The following CDH12 variants were observed in gnomAD, a reference collection of about 807,000 sequenced individuals.
CDH12 encodes the protein cadherin 12, also known as cadherin-12.
CDH12 carries 41 observed loss-of-function variants against 74.1 expected under a neutral mutation model. The ratio of observed to expected loss-of-function variants is 0.55; its 90% CI spans 0.43 to 0.72. The LOEUF (loss-of-function observed/expected upper bound fraction) is 0.72. Among genes scored for constraint, CDH12 ranks in the 30% least tolerant of loss-of-function variants. The pLI is 0.00. For synonymous variants in CDH12, 399 were observed against 355.0 expected (o/e 1.12, Z -1.39); for missense variants, 945 against 977.2 (o/e 0.97, Z 0.44).
chr5:22,418,222 T>G (rs1449933997), intron 2 of CDH12, among the ~76,000 whole-genome samples: 1 of 151,488 alleles, frequency 6.6e-6, no homozygotes, highest in South Asian at 2.1e-4. Flanking sequence ...TGAATGGGAG[T>G]TCACTCACGA....
intron 6 of CDH12, among the ~76,000 whole-genome samples, chr5:21,949,449 CAAA>C (rs201292632): frequency 0.025 from 2,119 of 83,754 alleles, 22 homozygotes; most frequent in African/African-American, 0.039. Flanking sequence ...GACTCTGTCT[CAAA>C]AAAAAAAAAA....
chr5:22,169,336 C>T (rs959903843), intron 4 of CDH12, among the ~76,000 whole-genome samples: 8 of 152,040 alleles, frequency 5.3e-5, no homozygotes, highest in African/African-American at 1.9e-4. Flanking sequence ...AACCTGCTTA[C>T]TGAGCCAAAG....
At chr5:21,903,645 T>C (rs1753501065) in intron 6 of CDH12, among the ~76,000 whole-genome samples, 1 of 152,122 alleles carries the variant, frequency 6.6e-6, no homozygotes, top group Admixed American at 6.6e-5. Flanking sequence ...ATTTGGTGCC[T>C]AGAACTCCAA....
chr5:22,778,493 A>G (rs542665190), intron 1 of CDH12, among the ~76,000 whole-genome samples: 1 of 152,274 alleles, frequency 6.6e-6, no homozygotes, highest in Non-Finnish European at 1.5e-5. Context: ...AACTCTATGA[A>G]AAGGGGCTCA....
intron 4 of CDH12, among the ~76,000 whole-genome samples, chr5:22,176,927 G>A (rs982901599): frequency 2.6e-5 from 4 of 151,938 alleles, no homozygotes; most frequent in East Asian, 3.9e-4. Flanking sequence ...TTGCCTCTTT[G>A]CTCATGCCTC....
intron 5 of CDH12, among the ~76,000 whole-genome samples, chr5:22,056,065 G>A (rs1740721712): frequency 6.6e-6 from 1 of 151,852 alleles, no homozygotes; most frequent in Non-Finnish European, 1.5e-5. Flanking sequence ...AAATTTTTTA[G>A]TACATTTTTT....
chr5:22,170,579 C>A (rs1748960549), intron 4 of CDH12, among the ~76,000 whole-genome samples: 1 of 149,782 alleles, frequency 6.7e-6, no homozygotes, highest in Non-Finnish European at 1.5e-5. Context: ...TATATATAAG[C>A]TTCTTATATA....
At chr5:22,586,508 T>TATAA (rs1247694984) in intron 1 of CDH12, among the ~76,000 whole-genome samples, 5 of 149,656 alleles carry the variant, frequency 3.3e-5, no homozygotes, top group African/African-American at 7.3e-5. Flanking sequence ...TATATATAAA[T>TATAA]AAAAATAAAA....
chr5:21,851,262 G>A (rs1296600054), intron 7 of CDH12, among the ~76,000 whole-genome samples: 2 of 151,024 alleles, frequency 1.3e-5, no homozygotes, highest in Admixed American at 6.6e-5. Flanking sequence ...AGAATTTTAA[G>A]ACTAAATTAA....
chr5:21,958,095 A>C (rs1194200867), intron 6 of CDH12, among the ~76,000 whole-genome samples: 1 of 151,994 alleles, frequency 6.6e-6, no homozygotes, highest in African/African-American at 2.4e-5. Context: ...TGGTTTTATG[A>C]GGGGCTCTTC....
At chr5:22,003,817 G>A (rs1217192048) in intron 5 of CDH12, among the ~76,000 whole-genome samples, 3 of 46,148 alleles carry the variant, frequency 6.5e-5, no homozygotes, top group Admixed American at 3.6e-4. Context: ...GCAGGCCCCC[G>A]CTTCCACAAA....
At chr5:22,785,639 C>T (rs1747585632) in intron 1 of CDH12, among the ~76,000 whole-genome samples, 1 of 152,072 alleles carries the variant, frequency 6.6e-6, no homozygotes, top group Non-Finnish European at 1.5e-5. Flanking sequence ...TCACCTCAGC[C>T]TCCAAGTAGC....
intron 5 of CDH12, among the ~76,000 whole-genome samples, chr5:22,054,452 T>C (rs1740598750): frequency 6.6e-6 from 1 of 152,094 alleles, no homozygotes. Context: ...AATCTACCTT[T>C]GGGTCAGGCT....
At chr5:22,293,893 A>G (rs533144701) in intron 3 of CDH12, among the ~76,000 whole-genome samples, 44 of 152,294 alleles carry the variant, frequency 2.9e-4, no homozygotes, top group African/African-American at 9.9e-4. Context: ...AGTTACATAG[A>G]AAAAATAAGC....
chr5:21,881,704 G>C (rs1249803578), intron 6 of CDH12, among the ~76,000 whole-genome samples: 1 of 151,858 alleles, frequency 6.6e-6, no homozygotes, highest in Non-Finnish European at 1.5e-5. Flanking sequence ...TTATATATTA[G>C]TTTATCTGAT....
At chr5:22,510,347 A>C (rs184272531) in intron 1 of CDH12, among the ~76,000 whole-genome samples, 1 of 152,262 alleles carries the variant, frequency 6.6e-6, no homozygotes, top group East Asian at 1.9e-4. Context: ...AAATTACCCT[A>C]TCCGATATAA....
intron 3 of CDH12, among the ~76,000 whole-genome samples, chr5:22,370,477 A>G (rs1275462489): frequency 6.6e-6 from 1 of 152,208 alleles, no homozygotes; most frequent in East Asian, 1.9e-4. Context: ...TAAATCATGT[A>G]TATATTCCTT....
At chr5:21,856,259 TTTA>T (rs1159376781) in intron 6 of CDH12, among the ~76,000 whole-genome samples, 1 of 151,682 alleles carries the variant, frequency 6.6e-6, no homozygotes, top group Non-Finnish European at 1.5e-5. Flanking sequence ...AAATCAACAG[TTTA>T]TTAAGAGTAA....
intron 4 of CDH12, among the ~76,000 whole-genome samples, chr5:22,137,170 G>A (rs2150293437): frequency 6.6e-6 from 1 of 152,042 alleles, no homozygotes; most frequent in Non-Finnish European, 1.5e-5. Context: ...TTTCTTAGAA[G>A]TAATCTTGAC....
Sources: gnomAD v4.1 joint callset for allele counts (sites outside exome capture counted in the v4.1 genomes callset) on GRCh38, gnomAD v4.1.1 for gene constraint, MANE v1.5 for transcripts, NCBI Gene and HGNC (gene_info 2026-07-23, HGNC 2026-07-21) for gene names.